Variants in CTNNA3 observed in about 807,000 individuals in gnomAD.
CTNNA3 encodes the protein catenin alpha 3.
Under a neutral mutation model 95.7 loss-of-function variants are expected in CTNNA3, and 76 were observed. That is an observed-to-expected ratio of 0.79 (90% confidence interval 0.66 to 0.96). The LOEUF is 0.96. Among genes scored for constraint, CTNNA3 ranks in the 40% least tolerant of loss-of-function variants. The pLI, the probability that CTNNA3 is intolerant of heterozygous loss-of-function variation, is 0.00. For missense variants in CTNNA3, 1,191 were observed against 1,089.8 expected, an observed-to-expected ratio of 1.09 and a Z score of -1.31; for synonymous variants, 431 against 374.4, an observed-to-expected ratio of 1.15 and a Z score of -1.74.
At chr10:66,368,738 G>A (rs74141459) in intron 12 of CTNNA3, among the ~76,000 whole-genome samples, 8 of 152,142 alleles carry the variant, frequency 5.3e-5, no homozygotes, top group African/African-American at 1.9e-4. Context: ...TAGGGGAGAT[G>A]GCAAGAGAAG....
intron 16 of CTNNA3, among the ~76,000 whole-genome samples, chr10:65,979,506 G>C (rs2078276372): frequency 6.6e-6 from 1 of 152,054 alleles, no homozygotes; most frequent in African/African-American, 2.4e-5. Flanking sequence ...AAAGATGGTG[G>C]AAAGGTAACT....
intron 7 of CTNNA3, among the ~76,000 whole-genome samples, chr10:66,844,522 A>G (rs1843181310): frequency 6.6e-6 from 1 of 152,172 alleles, no homozygotes; most frequent in African/African-American, 2.4e-5. Context: ...ACATACATGT[A>G]ATATTTCTTG....
intron 9 of CTNNA3, among the ~76,000 whole-genome samples, chr10:66,750,844 A>G (rs1447528021): frequency 6.6e-6 from 1 of 152,236 alleles, no homozygotes; most frequent in African/African-American, 2.4e-5. Flanking sequence ...GTCCACAAAT[A>G]TGGAGTATCT....
At chr10:67,021,297 C>T (rs544523662) in intron 7 of CTNNA3, among the ~76,000 whole-genome samples, 1 of 152,064 alleles carries the variant, frequency 6.6e-6, no homozygotes, top group East Asian at 1.9e-4. Context: ...TAAAATTAGC[C>T]AAAAATTTAA....
intron 17 of CTNNA3, among the ~76,000 whole-genome samples, chr10:65,941,782 T>C (rs72808333): frequency 0.068 from 10,350 of 152,258 alleles, 483 homozygotes; most frequent in Middle Eastern, 0.12. Context: ...ATCTTCCACC[T>C]GTTGGAAACT....
At chr10:67,608,114 A>G (rs1410381880) in intron 2 of CTNNA3, among the ~76,000 whole-genome samples, 2 of 152,176 alleles carry the variant, frequency 1.3e-5, no homozygotes, top group African/African-American at 4.8e-5. Context: ...TGAGAGGCCA[A>G]ATGAGTTAGG....
At chr10:66,276,033 A>G (rs1357089106) in intron 13 of CTNNA3, among the ~76,000 whole-genome samples, 1 of 152,206 alleles carries the variant, frequency 6.6e-6, no homozygotes, top group Non-Finnish European at 1.5e-5. Flanking sequence ...GAAGCCATGT[A>G]AATGATTCAT....
At position 66,990,845 on chromosome 10, in the gene CTNNA3, T is replaced by C. The variant is rs564953368; in HGVS notation, c.1047+189472A>G. Among the ~76,000 whole-genome samples the C allele has an allele frequency of 2.0e-5, 3 of 152,330 alleles. No individual in the cohort carries two copies. The South Asian group carries it at 6.2e-4, about 32-fold the overall frequency. Reference sequence around the variant, plus strand: ...CCTATTCAAGGAAGTAAAATTTCACTAGTATCATGGGCATCTTTAGCATGT... The same window carrying C: ...CCTATTCAAGGAAGTAAAATTTCACCAGTATCATGGGCATCTTTAGCATGT... On this transcript the variant is annotated intron_variant, in intron 7 of 17. Coordinates refer to ENST00000433211, the MANE Select transcript of CTNNA3 (RefSeq NM_013266.4).
chr10:67,164,494 T>A (rs569992382), intron 7 of CTNNA3, among the ~76,000 whole-genome samples: 19 of 152,098 alleles, frequency 1.2e-4, no homozygotes, highest in Non-Finnish European at 2.7e-4. Context: ...ATAAAACGTT[T>A]AGGAAAATAG....
intron 13 of CTNNA3, among the ~76,000 whole-genome samples, chr10:66,133,955 C>T (rs1285945473): frequency 2.0e-5 from 3 of 151,970 alleles, no homozygotes; most frequent in Non-Finnish European, 4.4e-5. Context: ...TTATTTACAT[C>T]CTCATTTGGG....
chr10:67,727,371 T>C (rs1399755991), intron 1 of CTNNA3, among the ~76,000 whole-genome samples: 13 of 133,210 alleles, frequency 9.8e-5, no homozygotes, highest in Non-Finnish European at 1.7e-4. Context: ...TATATGTATA[T>C]ATGTATGTTA....
chr10:66,910,817 A>C (rs1846190945), intron 7 of CTNNA3, among the ~76,000 whole-genome samples: 1 of 152,240 alleles, frequency 6.6e-6, no homozygotes, highest in South Asian at 2.1e-4. Context: ...ACAAAAATAT[A>C]AACAAAATGA....
At chr10:67,442,620 A>T (rs545859741) in intron 5 of CTNNA3, among the ~76,000 whole-genome samples, 2 of 152,252 alleles carry the variant, frequency 1.3e-5, no homozygotes, top group African/African-American at 4.8e-5. Context: ...AGACAAAAAA[A>T]TCATTATAAA....
At chr10:67,245,375 C>T (rs1025752805) in intron 5 of CTNNA3, among the ~76,000 whole-genome samples, 1 of 152,140 alleles carries the variant, frequency 6.6e-6, no homozygotes, top group Non-Finnish European at 1.5e-5. Context: ...CTAATATATA[C>T]TACATTTATT....
In CTNNA3 at chr10:67,459,650, G is replaced by T. The variant is rs1847304507; in HGVS notation, c.579+62192C>A. Among the ~76,000 whole-genome samples, 3 of 152,254 alleles carry T rather than the reference G, an allele frequency of 2.0e-5. 1 individual carries two copies. In the South Asian group the frequency reaches 6.2e-4, roughly 32 times the overall value. ...GTTTCACTATCTCAGATCATAAACT[G>T]TACTTGTCTCATGTCATGGAGCAAA... On this transcript the variant is annotated intron_variant, in intron 5 of 17. Coordinates refer to ENST00000433211, the MANE Select transcript of CTNNA3 (RefSeq NM_013266.4).
intron 5 of CTNNA3, among the ~76,000 whole-genome samples, chr10:67,275,641 G>A (rs1285395669): frequency 6.6e-6 from 1 of 152,012 alleles, no homozygotes; most frequent in African/African-American, 2.4e-5. Context: ...AAATTCAAAA[G>A]GGTACCTCTA....
intron 7 of CTNNA3, among the ~76,000 whole-genome samples, chr10:66,873,377 T>TG (rs1564737130): frequency 1.8e-5 from 2 of 109,620 alleles, no homozygotes; most frequent in Non-Finnish European, 4.2e-5. Flanking sequence ...GTTTGTTTTT[T>TG]GTTTTTTTTT....
In CTNNA3 at chr10:66,308,685, T is replaced by C. The variant is rs1422362115; in HGVS notation, c.1733-28064A>G. Among the ~76,000 whole-genome samples, 9 of 152,342 alleles carry C rather than the reference T, an allele frequency of 5.9e-5. No homozygotes were observed. The East Asian group carries it at 1.7e-3, about 29-fold the overall frequency. ...TAAAATCATCACTATTTTTTCATAATATATGAAAACATTTTTATCATGTCT... is the reference window on the plus strand; with the variant it reads ...TAAAATCATCACTATTTTTTCATAACATATGAAAACATTTTTATCATGTCT... On this transcript the variant is annotated intron_variant, in intron 12 of 17. Coordinates refer to ENST00000433211, the MANE Select transcript of CTNNA3 (RefSeq NM_013266.4).
intron 7 of CTNNA3, among the ~76,000 whole-genome samples, chr10:66,806,135 C>T (rs1841629792): frequency 6.6e-6 from 1 of 151,686 alleles, no homozygotes; most frequent in African/African-American, 2.4e-5. Flanking sequence ...TATAAGAGTG[C>T]TTTAGGGAAA....
Sources: gnomAD v4.1 joint callset for allele counts (sites outside exome capture counted in the v4.1 genomes callset) on GRCh38, gnomAD v4.1.1 for gene constraint, MANE v1.5 for transcripts, NCBI Gene and HGNC (gene_info 2026-07-23, HGNC 2026-07-21) for gene names.